SEMA4F: variants seen among roughly 807,000 people sequenced by gnomAD.
SEMA4F encodes ssemaphorin 4F.
Under a neutral mutation model 78.4 loss-of-function variants are expected in SEMA4F, and 51 were observed. The ratio of observed to expected loss-of-function variants is 0.65; its 90% confidence interval spans 0.52 to 0.82. The LOEUF is 0.82. SEMA4F is among the 40% of genes least tolerant of loss of function. SEMA4F has a pLI of 0.00. For missense variants in SEMA4F, 938 were observed against 1,014.4 expected (o/e 0.92, Z 1.02); for synonymous variants, 418 against 408.7 (o/e 1.02, Z -0.27).
At chr2:74,661,027 CAGAT>C (rs1684401536) in intron 4 of SEMA4F, among the ~76,000 whole-genome samples, 1 of 152,076 alleles carries the variant, frequency 6.6e-6, no homozygotes, top group Admixed American at 6.6e-5. Context: ...GGAGAAATAA[CAGAT>C]AGGAGGGATT....
the SEMA4F span, among the ~76,000 whole-genome samples, chr2:74,702,691 C>G: frequency 6.6e-6 from 1 of 152,150 alleles, no homozygotes; most frequent in Non-Finnish European, 1.5e-5. Context: ...AAGTTATTTA[C>G]TTTCCAGACG....
downstream of SEMA4F, among the ~76,000 whole-genome samples, chr2:74,688,515 CAG>C (rs1172023912): frequency 2.0e-5 from 3 of 151,960 alleles, no homozygotes; most frequent in Admixed American, 6.6e-5. Context: ...ATAAAAGAAA[CAG>C]GAAAATGAAA....
chr2:74,662,707 C>T, intron 4 of SEMA4F, 25 bp from the exon 5 acceptor site: 1 of 1,598,080 alleles, frequency 6.3e-7, no homozygotes. Context: ...GACCCCTAAA[C>T]CAATTGCCCC....
Position 74,679,855 on chromosome 2 carries a change from G to GA in SEMA4F, c.1960dup (p.Ser654LysfsTer42). 1 of 1,614,204 alleles carries GA rather than the reference G, an allele frequency of 6.2e-7. No homozygotes were observed. Among genetic ancestry groups the GA allele is most frequent in the Non-Finnish European group, 8.5e-7 (1 of 1,180,034 alleles). ...TATGGGGCAGCCAGCGAGATGCTCC[G>GA]AGCCGGGCCCACACAGTGGGGGCGG... On this transcript the variant is annotated frameshift_variant, in exon 14 of 14. Coordinates refer to ENST00000357877, the MANE Select transcript of SEMA4F (RefSeq NM_004263.5). LOFTEE classifies it high-confidence loss of function.
intron 5 of SEMA4F, among the ~76,000 whole-genome samples, chr2:74,666,689 G>A (rs1388604622): frequency 6.6e-6 from 1 of 152,124 alleles, no homozygotes; most frequent in Non-Finnish European, 1.5e-5. Flanking sequence ...ATTATGCCTT[G>A]CTTTGCCTCT....
At chr2:74,699,533 G>A in the SEMA4F span, among the ~76,000 whole-genome samples, 1 of 152,190 alleles carries the variant, frequency 6.6e-6, no homozygotes, top group East Asian at 1.9e-4. Flanking sequence ...TCAGAGGGAG[G>A]ACTAAGATAA....
At chr2:74,655,147 T>A (rs1684061128) in intron 1 of SEMA4F, 1 of 217,788 alleles carries the variant, frequency 4.6e-6, no homozygotes. Flanking sequence ...CATTATTGGA[T>A]CCACGTTAAC....
the SEMA4F span, among the ~76,000 whole-genome samples, chr2:74,705,019 TGCAAATGTGC>T: frequency 2.6e-5 from 4 of 152,218 alleles, no homozygotes; most frequent in Non-Finnish European, 5.9e-5. Context: ...AGGGAAAGCT[TGCAAATGTGC>T]AGATGGGTTT....
chr2:74,700,614 C>A, the SEMA4F span, among the ~76,000 whole-genome samples: 1 of 152,108 alleles, frequency 6.6e-6, no homozygotes, highest in African/African-American at 2.4e-5. Context: ...ATCATTTATT[C>A]CTCAAGCAAT....
intron 5 of SEMA4F, among the ~76,000 whole-genome samples, chr2:74,665,228 C>CT (rs11348861): frequency 0.018 from 2,280 of 128,684 alleles, 45 homozygotes; most frequent in Admixed American, 0.052. Context: ...CACTCTTTTT[C>CT]TTTTTTTTTT....
Position 74,682,046 on chromosome 2 carries a change from T to A in SEMA4F, c.*1837T>A, listed in dbSNP as rs1325458072. The A allele has an allele frequency of 6.6e-6, 1 of 152,304 alleles. No individual in the cohort carries two copies. The highest frequency in any genetic ancestry group is 2.1e-4 in the South Asian group (1 of 4,830). The allele number at this position is 152,304 out of a possible 1,614,324, so 9.4% of individuals were successfully genotyped here. ...AGAAAATATGTCAACAATAAAGACC[T>A]GTCTGTACCAATAGATGTTGTTATT... On this transcript the variant is annotated 3_prime_UTR_variant, in exon 14 of 14. Transcript: ENST00000357877.
chr2:74,656,532 A>G lies in SEMA4F; in HGVS notation c.146-2A>G. On this transcript the variant is annotated splice_acceptor_variant, in intron 1 of 13. Coordinates refer to ENST00000357877, the MANE Select transcript of SEMA4F (RefSeq NM_004263.5). LOFTEE classifies it high-confidence loss of function. ...AACATCACTCTCCTCTCTTCCTGCC[A>G]GAGGCTGACTCCTGTCTCACCCGGT... The G allele has an allele frequency of 1.2e-6, 2 of 1,613,244 alleles. No homozygotes were observed. The highest frequency in any genetic ancestry group is 2.2e-5 in the East Asian group (1 of 44,866).
At chr2:74,697,991 C>T in the SEMA4F span, among the ~76,000 whole-genome samples, 1 of 152,174 alleles carries the variant, frequency 6.6e-6, no homozygotes. Context: ...TCTCCAGACC[C>T]AGAGAAGATG....
chr2:74,659,951 A>G (rs968875177), intron 4 of SEMA4F, among the ~76,000 whole-genome samples: 3 of 152,178 alleles, frequency 2.0e-5, no homozygotes, highest in East Asian at 1.9e-4. Context: ...TCCTTCAGTG[A>G]TAGCTCATTG....
rs1685494111 is a variant in SEMA4F at position 74,679,765 on chromosome 2, G to A, written c.1869G>A (p.Met623Ile). 1 of 1,614,070 alleles carries A rather than the reference G, an allele frequency of 6.2e-7. No homozygotes were observed. The highest frequency in any genetic ancestry group is 1.7e-5 in the Admixed American group (1 of 60,002). ...GLEVVVTPGA[M>I]GAYACECQEG... is the part of the protein sequence containing the mutation. ...AGGTGGTGGTGACCCCAGGGGCCAT[G>A]GGCGCTTATGCCTGTGAATGTCAGG... The change falls in exon 14 of 14, where the codon ATG becomes ATA. Residue 623 changes from methionine to isoleucine, a missense_variant. Coordinates refer to ENST00000357877, the MANE Select transcript of SEMA4F (RefSeq NM_004263.5).
chr2:74,657,906 C>G lies in SEMA4F; in HGVS notation c.411C>G (p.Leu137=). 1.2e-6 allele frequency: 2 copies of G among 1,614,258 alleles called. No homozygotes were observed. The highest frequency in any genetic ancestry group is 8.5e-7 in the Non-Finnish European group (1 of 1,180,040). The part of the protein sequence containing the change: ...QILAIANASH[L]LTCGTFAFDP... Reference sequence around the variant, plus strand: ...TCGCCATTGCCAATGCCTCTCACCTCCTCACTTGTGGCACCTTCGCTTTTG... The same window carrying G: ...TCGCCATTGCCAATGCCTCTCACCTGCTCACTTGTGGCACCTTCGCTTTTG... Residue 137 remains leucine (L), a synonymous_variant, in exon 4 of 14, where the codon CTC becomes CTG. Transcript: ENST00000357877.
At chr2:74,687,342 C>A (rs1365487072), downstream of SEMA4F, among the ~76,000 whole-genome samples, 1 of 152,238 alleles carries the variant, frequency 6.6e-6, no homozygotes, top group Non-Finnish European at 1.5e-5. Context: ...AAGTAGCTCC[C>A]AGTTACTTCC....
the SEMA4F span, among the ~76,000 whole-genome samples, chr2:74,705,391 A>G: frequency 6.6e-3 from 1,000 of 152,360 alleles, 8 homozygotes; most frequent in African/African-American, 0.022. Context: ...AGATCTAAGT[A>G]TTCAAAAATA....
At position 74,662,752 on chromosome 2, in the gene SEMA4F, G is replaced by T. The variant is rs1276848221; in HGVS notation, c.477G>T (p.Gln159His). ...TATAGGATGTGTCCAGGTTCCAGCA[G>T]GTTGAAAGACTTGAGAGTGGCCGGG... is the stretch of plus-strand genomic sequence containing the variant. ...CGVIDVSRFQ[Q>H]VERLESGRGK... The change falls in exon 5 of 14, where the codon CAG (glutamine) becomes CAT (histidine). Residue 159 changes from glutamine (Q) to histidine (H), a missense_variant. Coordinates refer to ENST00000357877, the MANE Select transcript of SEMA4F (RefSeq NM_004263.5). 1 of 1,614,168 alleles carries T rather than the reference G, an allele frequency of 6.2e-7. No individual in the cohort carries two copies. The highest frequency in any genetic ancestry group is 8.5e-7 in the Non-Finnish European group (1 of 1,179,994).
Sources: allele counts gnomAD v4.1 joint callset (sites outside exome capture counted in the v4.1 genomes callset), GRCh38; gene constraint gnomAD v4.1.1; transcripts MANE v1.5; gene names NCBI Gene and HGNC (gene_info 2026-07-23, HGNC 2026-07-21).